EEIG1: variants seen among roughly 807,000 people sequenced by gnomAD.
EEIG1 encodes early estrogen-induced gene 1 protein.
the EEIG1 span, among the ~76,000 whole-genome samples, chr9:127,979,812 G>A: frequency 6.6e-6 from 1 of 152,248 alleles, no homozygotes; most frequent in Non-Finnish European, 1.5e-5. Flanking sequence ...TTGGCTGGCG[G>A]CTGCCTGGCA....
chr9:127,950,477 G>A, the EEIG1 span: 3 of 1,614,034 alleles, frequency 1.9e-6, no homozygotes, highest in East Asian at 2.2e-5. Flanking sequence ...CCTCGAGCAG[G>A]CAGCAGCGCA....
the EEIG1 span, among the ~76,000 whole-genome samples, chr9:127,947,201 A>T: frequency 1.3e-5 from 2 of 149,930 alleles, no homozygotes; most frequent in African/African-American, 4.9e-5. Context: ...AGGTCAGGAG[A>T]CTGAGACCAT....
At chr9:127,944,289 A>G in the EEIG1 span, 6 of 432,172 alleles carry the variant, frequency 1.4e-5, 1 homozygote, top group African/African-American at 1.2e-4. Context: ...AGCTGGGAGG[A>G]AGTAGAAGGG....
the EEIG1 span, among the ~76,000 whole-genome samples, chr9:127,952,934 C>T: frequency 6.6e-6 from 1 of 152,160 alleles, no homozygotes; most frequent in Non-Finnish European, 1.5e-5. Context: ...CAAAGCTGGT[C>T]TTGAACTCCT....
At chr9:127,950,610 G>GT in the EEIG1 span, 5 of 1,576,406 alleles carry the variant, frequency 3.2e-6, no homozygotes, top group African/African-American at 4.1e-5. Flanking sequence ...GCCCAGAAGG[G>GT]TAACTTGGCA....
At chr9:127,944,584 C>A in the EEIG1 span, 1 of 1,561,944 alleles carries the variant, frequency 6.4e-7, no homozygotes, top group East Asian at 2.3e-5. Flanking sequence ...GCCCCAGCCG[C>A]CCCGACGACC....
At chr9:127,944,593 C>A in the EEIG1 span, 1 of 1,589,446 alleles carries the variant, frequency 6.3e-7, no homozygotes, top group Non-Finnish European at 8.6e-7. Flanking sequence ...GCCCCGACGA[C>A]CCCTCCCTAA....
chr9:127,950,235 G>A, the EEIG1 span, among the ~76,000 whole-genome samples: 2 of 152,226 alleles, frequency 1.3e-5, no homozygotes, highest in Admixed American at 6.5e-5. Flanking sequence ...GGGAAACTGA[G>A]GCCAACAGCG....
At chr9:127,945,736 C>A in the EEIG1 span, 19 of 1,571,448 alleles carry the variant, frequency 1.2e-5, no homozygotes, top group East Asian at 2.4e-5. The surrounding 1 kb of genome is among the most constrained non-coding windows in gnomAD (Gnocchi z 6.5). Context: ...AGGTTCTGGT[C>A]GGGTTCCTCT....
chr9:127,963,341 C>T, the EEIG1 span, among the ~76,000 whole-genome samples: 1 of 152,244 alleles, frequency 6.6e-6, no homozygotes, highest in African/African-American at 2.4e-5. Context: ...GGGCTGGCCG[C>T]CCGCCTGGGA....
chr9:127,977,873 TTAAG>T, the EEIG1 span, among the ~76,000 whole-genome samples: 1 of 152,018 alleles, frequency 6.6e-6, no homozygotes, highest in African/African-American at 2.4e-5. Flanking sequence ...AGTCCAGGGG[TTAAG>T]TGAGAGGTGC....
chr9:127,952,503 A>G, the EEIG1 span, among the ~76,000 whole-genome samples: 1 of 152,230 alleles, frequency 6.6e-6, no homozygotes, highest in African/African-American at 2.4e-5. Flanking sequence ...GCCCAGTAGA[A>G]AAGCTCTTAA....
chr9:127,973,947 G>A, the EEIG1 span, among the ~76,000 whole-genome samples: 2 of 152,150 alleles, frequency 1.3e-5, no homozygotes, highest in African/African-American at 2.4e-5. The surrounding 1 kb of genome is among the most constrained non-coding windows in gnomAD (Gnocchi z 4.2). Flanking sequence ...TGAGCCAAAC[G>A]CCGCCACACA....
At chr9:127,943,318 G>T in the EEIG1 span, 2 of 1,396,904 alleles carry the variant, frequency 1.4e-6, no homozygotes, top group Non-Finnish European at 2.0e-6. Flanking sequence ...CTCTGGAGGT[G>T]TTTCACAAGC....
the EEIG1 span, among the ~76,000 whole-genome samples, chr9:127,946,276 G>A: frequency 2.0e-5 from 3 of 152,322 alleles, no homozygotes; most frequent in East Asian, 1.9e-4. Flanking sequence ...TGGTGAGGGC[G>A]AGCGGTCTGG....
At chr9:127,944,573 A>G in the EEIG1 span, 12 of 1,458,498 alleles carry the variant, frequency 8.2e-6, no homozygotes, top group Middle Eastern at 1.2e-3. Flanking sequence ...CTCACCCCCA[A>G]GCCCCAGCCG....
the EEIG1 span, among the ~76,000 whole-genome samples, chr9:127,979,347 A>G: frequency 6.6e-6 from 1 of 152,250 alleles, no homozygotes; most frequent in Non-Finnish European, 1.5e-5. Context: ...AGTTGCATTC[A>G]GCAACAAGCT....
the EEIG1 span, among the ~76,000 whole-genome samples, chr9:127,955,111 T>A: frequency 6.6e-6 from 1 of 152,134 alleles, no homozygotes; most frequent in Admixed American, 6.5e-5. Flanking sequence ...AGAGACGTTA[T>A]CTCCAGCTCA....
chr9:127,953,468 C>T, the EEIG1 span: 1 of 924,308 alleles, frequency 1.1e-6, no homozygotes, highest in Non-Finnish European at 1.7e-6. Context: ...TCAGGTAGGG[C>T]TGAGTGCCTC....
Sources: gnomAD v4.1 joint callset for allele counts (sites outside exome capture counted in the v4.1 genomes callset) on GRCh38, gnomAD v4.1.1 for gene constraint, Gnocchi (gnomAD v3.1) non-coding constraint, MANE v1.5 for transcripts, NCBI Gene and HGNC (gene_info 2026-07-23, HGNC 2026-07-21) for gene names.